MALRD1: variants seen among roughly 807,000 people sequenced by gnomAD.
MALRD1 encodes MAM and LDL-receptor class A domain-containing protein 1.
MALRD1 carries 247 observed loss-of-function variants against 242.1 expected under a neutral mutation model. That is an observed-to-expected ratio of 1.02 (90% CI 0.92 to 1.13). The LOEUF (loss-of-function observed/expected upper bound fraction) is 1.13, where lower values mean the gene tolerates loss of function less well. Ranked by LOEUF, MALRD1 falls within the 50% of genes most tolerant of loss-of-function variation. The probability of loss-of-function intolerance (pLI) is 0.00; values close to 1 mark genes in which losing one functional copy is unlikely to be tolerated. For missense variants in MALRD1, 2,989 were observed against 2,533.1 expected, an observed-to-expected ratio of 1.18 and a Z score of -3.86; for synonymous variants, 995 against 866.6, an observed-to-expected ratio of 1.15 and a Z score of -2.60.
At chr10:19,224,331 G>A in intron 18 of MALRD1, among the ~76,000 whole-genome samples, 1 of 149,772 alleles carries the variant, frequency 6.7e-6, no homozygotes, top group East Asian at 2.0e-4. Flanking sequence ...CTGTCACCCA[G>A]GGTGGAGTGC....
Position 19,595,385 on chromosome 10 carries a change from G to C in MALRD1, c.5872G>C (p.Glu1958Gln), listed in dbSNP as rs76551072. ...SNMEFPCSTD[E>Q]CIPSLLLCDG... is the part of the protein sequence containing the mutation. ...CATGGAGTTCCCGTGCTCTACAGAC[G>C]AGTGTATACCTTCCCTCCTGCTATG... Residue 1958 changes from glutamate to glutamine, a missense_variant, in exon 34 of 40, where the codon GAG becomes CAG. Coordinates refer to ENST00000454679, the MANE Select transcript of MALRD1 (RefSeq NM_001142308.3). 28 of 1,550,322 alleles carry C rather than the reference G, an allele frequency of 1.8e-5. No homozygotes were observed. Among genetic ancestry groups the C allele is most frequent in the Non-Finnish European group, 1.7e-6 (2 of 1,146,902 alleles).
chr10:19,330,856 A>G (rs1237872689), intron 23 of MALRD1, among the ~76,000 whole-genome samples: 1 of 149,342 alleles, frequency 6.7e-6, no homozygotes, highest in Admixed American at 6.6e-5. Context: ...AGATGTGTAC[A>G]ATTTAAAAAA....
chr10:19,384,642 A>G (rs968293464), intron 26 of MALRD1, among the ~76,000 whole-genome samples: 7 of 133,542 alleles, frequency 5.2e-5, no homozygotes, highest in Non-Finnish European at 1.1e-4. Flanking sequence ...TATAATATAT[A>G]GTATATATAA....
chr10:19,161,523 A>G (rs1455489767), intron 12 of MALRD1, among the ~76,000 whole-genome samples: 1 of 123,744 alleles, frequency 8.1e-6, no homozygotes, highest in Admixed American at 9.6e-5. Context: ...AAATAAATAA[A>G]TATAATAAAA....
intron 26 of MALRD1, among the ~76,000 whole-genome samples, chr10:19,378,385 T>C (rs1431551521): frequency 6.6e-6 from 1 of 152,152 alleles, no homozygotes; most frequent in African/African-American, 2.4e-5. Flanking sequence ...TATACCACTG[T>C]ATCAACAAAT....
chr10:19,557,640 T>C (rs1835784099), intron 32 of MALRD1, among the ~76,000 whole-genome samples: 1 of 152,172 alleles, frequency 6.6e-6, no homozygotes, highest in Non-Finnish European at 1.5e-5. Context: ...AGTGTGTCTA[T>C]TCTTTCACAA....
At chr10:19,638,043 G>T (rs147158755) in intron 36 of MALRD1, among the ~76,000 whole-genome samples, 135 of 140,218 alleles carry the variant, frequency 9.6e-4, no homozygotes, top group African/African-American at 3.4e-3. Context: ...AGGGGTTGCA[G>T]TGAGCAGAGA....
rs964106577 is a variant in MALRD1 at position 19,548,892 on chromosome 10, G to A, written c.5478+17541G>A. 9.9e-5 allele frequency among the ~76,000 whole-genome samples: 15 copies of A among 152,156 alleles called. 1 individual carries two copies. In the East Asian group the frequency reaches 1.2e-3, roughly 12 times the overall value. ...TTAAGCTTAGTGAGGAAAGCATGTC[G>A]AAAGGTGAGATAGGCTGAAAGCTAG... On this transcript the variant is annotated intron_variant, in intron 32 of 39. Coordinates refer to ENST00000454679, the MANE Select transcript of MALRD1 (RefSeq NM_001142308.3).
At chr10:19,276,733 C>G (rs982068409) in intron 19 of MALRD1, among the ~76,000 whole-genome samples, 1 of 152,072 alleles carries the variant, frequency 6.6e-6, no homozygotes, top group Middle Eastern at 3.4e-3. Flanking sequence ...ACTTTGACCT[C>G]TAATTGAGTT....
At chr10:19,566,197 C>T (rs1274305980) in intron 32 of MALRD1, among the ~76,000 whole-genome samples, 1 of 151,946 alleles carries the variant, frequency 6.6e-6, no homozygotes, top group African/African-American at 2.4e-5. Context: ...GGCATGATCT[C>T]CTCTCACTGC....
intron 24 of MALRD1, among the ~76,000 whole-genome samples, chr10:19,332,744 A>G (rs879691151): frequency 6.6e-5 from 10 of 152,214 alleles, no homozygotes; most frequent in Non-Finnish European, 1.3e-4. Flanking sequence ...TTTGAACTTC[A>G]GAAGTCTTGA....
At chr10:19,181,723 C>T (rs1835512304) in intron 14 of MALRD1, among the ~76,000 whole-genome samples, 1 of 148,484 alleles carries the variant, frequency 6.7e-6, no homozygotes, top group Non-Finnish European at 1.5e-5. Context: ...GTTTTAGCTA[C>T]TCTTGCCACA....
chr10:19,298,949 A>G (rs1841828077), intron 21 of MALRD1, among the ~76,000 whole-genome samples: 1 of 151,978 alleles, frequency 6.6e-6, no homozygotes, highest in Non-Finnish European at 1.5e-5. Flanking sequence ...AATCAAAACT[A>G]GAATTCTATA....
chr10:19,086,371 A>G (rs1311234635), intron 2 of MALRD1, among the ~76,000 whole-genome samples: 1 of 152,014 alleles, frequency 6.6e-6, no homozygotes, highest in Admixed American at 6.6e-5. Flanking sequence ...CATATTTCTC[A>G]TTCCTTTTGA....
intron 4 of MALRD1, 36 bp from the exon 5 acceptor site, chr10:19,103,943 G>T: frequency 1.7e-6 from 2 of 1,160,880 alleles, no homozygotes; most frequent in Non-Finnish European, 2.2e-6. Flanking sequence ...CTTGCTTTAT[G>T]TTTTTGTTTT....
At position 19,598,089 on chromosome 10, in the gene MALRD1, A is replaced by G. The variant is rs147019376; in HGVS notation, c.5944+2632A>G. On this transcript the variant is annotated intron_variant, in intron 34 of 39. Transcript: ENST00000454679. ...TGCTATATAACGGTACTTAACTTGGATATGGGATGGATTGGAGTGAGGAAG... is the reference window on the plus strand; with the variant it reads ...TGCTATATAACGGTACTTAACTTGGGTATGGGATGGATTGGAGTGAGGAAG... Among the ~76,000 whole-genome samples the G allele has an allele frequency of 3.9e-5, 6 of 152,260 alleles. No homozygotes were observed. In the East Asian group the frequency reaches 1.2e-3, roughly 29 times the overall value.
intron 28 of MALRD1, among the ~76,000 whole-genome samples, chr10:19,394,001 A>G (rs1351299278): frequency 2.0e-5 from 3 of 152,170 alleles, no homozygotes; most frequent in Non-Finnish European, 4.4e-5. Flanking sequence ...TAAACTGTTG[A>G]TGTTTTAATC....
At chr10:19,409,514 G>A (rs1384273063) in intron 28 of MALRD1, among the ~76,000 whole-genome samples, 1 of 152,018 alleles carries the variant, frequency 6.6e-6, no homozygotes, top group Non-Finnish European at 1.5e-5. Context: ...AGTTAAGGAG[G>A]GAAATGGGAT....
chr10:19,398,674 A>G (rs1364940015), intron 28 of MALRD1, among the ~76,000 whole-genome samples: 2 of 152,262 alleles, frequency 1.3e-5, no homozygotes, highest in African/African-American at 4.8e-5. Flanking sequence ...TTAATATTCT[A>G]TTTATAAGGA....
Sources: allele counts gnomAD v4.1 joint callset (sites outside exome capture counted in the v4.1 genomes callset), GRCh38; gene constraint gnomAD v4.1.1; transcripts MANE v1.5; gene names NCBI Gene and HGNC (gene_info 2026-07-23, HGNC 2026-07-21).